The following ABCG8 variants were observed in gnomAD, a reference collection of about 807,000 sequenced individuals.
ABCG8 encodes ATP-binding cassette sub-family G member 8.
In ABCG8, 81 loss-of-function variants were observed where a neutral mutation model predicts 71.3. The ratio of observed to expected loss-of-function variants is 1.14; its 90% confidence interval spans 0.95 to 1.37. The LOEUF is 1.37. ABCG8 is among the 40% of genes most tolerant of loss of function. The pLI is 0.00. For missense variants in ABCG8, 1,119 were observed against 866.2 expected (o/e 1.29, Z -3.66); for synonymous variants, 451 against 354.7 (o/e 1.27, Z -3.05).
intron 6 of ABCG8, among the ~76,000 whole-genome samples, chr2:43,871,202 C>A (rs571415817): frequency 1.3e-5 from 2 of 150,434 alleles, no homozygotes; most frequent in African/African-American, 2.5e-5. Context: ...ATTGAACTCT[C>A]ACTATCTGGA....
chr2:43,874,643 G>A lies in ABCG8; in HGVS notation c.1488+160G>A, dbSNP rs1253799926. ...TGCCACATTTTCTAGGGGAGTTTCA[G>A]AGACTTGAACTTTTATTTTAAACAT... On this transcript the variant is annotated intron_variant, in intron 10 of 12. Transcript: ENST00000272286. 2.0e-5 allele frequency among the ~76,000 whole-genome samples: 3 copies of A among 152,314 alleles called. No individual in the cohort carries two copies. The South Asian group carries it at 6.2e-4, about 32-fold the overall frequency.
At chr2:43,840,345 A>G (rs1668536253) in intron 1 of ABCG8, among the ~76,000 whole-genome samples, 1 of 152,234 alleles carries the variant, frequency 6.6e-6, no homozygotes, top group South Asian at 2.1e-4. Context: ...TTAAAGCCTG[A>G]ATAGAATAGA....
intron 6 of ABCG8, among the ~76,000 whole-genome samples, chr2:43,869,151 ATCTG>A (rs1445686469): frequency 2.6e-5 from 4 of 151,562 alleles, no homozygotes; most frequent in Non-Finnish European, 4.4e-5. Context: ...ATCTCTCACT[ATCTG>A]TCTGGATAGA....
intron 3 of ABCG8, among the ~76,000 whole-genome samples, chr2:43,850,242 C>T (rs1456116080): frequency 3.3e-5 from 5 of 151,946 alleles, no homozygotes; most frequent in South Asian, 2.1e-4. Context: ...ACTCCATCTG[C>T]GGGAGTGGAA....
intron 1 of ABCG8, among the ~76,000 whole-genome samples, chr2:43,844,306 G>A (rs1291995863): frequency 6.6e-6 from 1 of 152,158 alleles, no homozygotes; most frequent in African/African-American, 2.4e-5. Flanking sequence ...CTCTCTGAAG[G>A]GAAGAGGAGA....
At chr2:43,846,813 C>T (rs553977887) in intron 3 of ABCG8, 13 of 178,776 alleles carry the variant, frequency 7.3e-5, no homozygotes, top group African/African-American at 2.8e-4. Flanking sequence ...TTGTCATTTC[C>T]ATGGCCAAAT....
At position 43,852,460 on chromosome 2, in the gene ABCG8, T is replaced by A. The variant is rs767670215; in HGVS notation, c.668T>A (p.Ile223Asn). Residue 223 changes from isoleucine (I) to asparagine (N), a missense_variant, in exon 5 of 13, where the codon ATT (isoleucine) becomes AAT (asparagine). By Grantham distance (149) the Ile-to-Asn change is moderately radical (BLOSUM62 -3). Coordinates refer to ENST00000272286, the MANE Select transcript of ABCG8 (RefSeq NM_022437.3). ...LSGGERRRVS[I>N]GVQLLWNPGI... is the part of the protein sequence containing the mutation. ...GGGGGTGAGCGCAGGAGAGTCAGCA[T>A]TGGGGTGCAGCTCCTGTGGAACCCA... 3 of 1,613,226 alleles carry A rather than the reference T, an allele frequency of 1.9e-6. No individual in the cohort carries two copies.
chr2:43,845,706 C>T (rs1426298629), intron 2 of ABCG8, among the ~76,000 whole-genome samples: 2 of 152,254 alleles, frequency 1.3e-5, no homozygotes, highest in Middle Eastern at 3.4e-3. Context: ...ACTGCAATCT[C>T]TGCCTCCCAA....
chr2:43,852,288 G>C (rs1572834966), intron 4 of ABCG8, 66 bp from the exon 5 acceptor site: 4 of 1,609,520 alleles, frequency 2.5e-6, no homozygotes, highest in Non-Finnish European at 3.4e-6. Context: ...TTATCCTTGG[G>C]GTCACAATGT....
At chr2:43,860,957 T>G (rs60567145) in intron 6 of ABCG8, among the ~76,000 whole-genome samples, 1,440 of 130,428 alleles carry the variant, frequency 0.011, 31 homozygotes, top group African/African-American at 0.038. Flanking sequence ...TATCTGGATA[T>G]AATTCTCACT....
Position 43,843,980 on chromosome 2 carries a change from T to A in ABCG8, c.64-527T>A, listed in dbSNP as rs151212864. On this transcript the variant is annotated intron_variant, in intron 1 of 12. Transcript: ENST00000272286. ...CCAGATGTTAGTGAGGACTAAGATG[T>A]TGGTTAGAATTTTTCTCAGGGTGGT... is the stretch of plus-strand genomic sequence containing the variant. 2.5e-3 allele frequency among the ~76,000 whole-genome samples: 373 copies of A among 152,184 alleles called. 2 individuals carry two copies. Among genetic ancestry groups the A allele is most frequent in the Middle Eastern group, 0.01 (3 of 294 alleles).
chr2:43,840,726 T>C (rs1360207077), intron 1 of ABCG8, among the ~76,000 whole-genome samples: 2 of 152,184 alleles, frequency 1.3e-5, no homozygotes, highest in Non-Finnish European at 2.9e-5. Flanking sequence ...AATGCGCTGG[T>C]ACGGGGGAGC....
At chr2:43,840,943 G>A (rs1041560404) in intron 1 of ABCG8, among the ~76,000 whole-genome samples, 1 of 152,188 alleles carries the variant, frequency 6.6e-6, no homozygotes, top group African/African-American at 2.4e-5. Flanking sequence ...GATGGACTTG[G>A]GGCCATTTGC....
chr2:43,874,234 G>C (rs1669880375), intron 9 of ABCG8, among the ~76,000 whole-genome samples, 173 bp from the exon 10 acceptor site: 1 of 151,920 alleles, frequency 6.6e-6, no homozygotes, highest in Non-Finnish European at 1.5e-5. Flanking sequence ...AACCTGAAGA[G>C]CCTCATCAAA....
intron 11 of ABCG8, among the ~76,000 whole-genome samples, chr2:43,876,693 C>T (rs1445377121): frequency 2.1e-5 from 3 of 140,280 alleles, no homozygotes; most frequent in Non-Finnish European, 4.6e-5. Flanking sequence ...TGGGGGAGAC[C>T]ATGTCAATAT....
intron 6 of ABCG8, among the ~76,000 whole-genome samples, chr2:43,869,231 C>G (rs1484303255): frequency 6.6e-6 from 1 of 151,800 alleles, no homozygotes; most frequent in Admixed American, 6.6e-5. Context: ...GGGTTGAACT[C>G]TCACTATCTG....
At position 43,877,543 on chromosome 2, in the gene ABCG8, G is replaced by A. The variant is rs1218688186; in HGVS notation, c.1757-18G>A. On this transcript the variant is annotated intron_variant, in intron 11 of 12. Coordinates refer to ENST00000272286, the MANE Select transcript of ABCG8 (RefSeq NM_022437.3). ...AATATGAGGGACACCTGTGAGTAAC[G>A]CGGCTGTCTGTCTCCAGTGCCCGCG... 10 of 1,613,216 alleles carry A rather than the reference G, an allele frequency of 6.2e-6. No homozygotes were observed. Among genetic ancestry groups the A allele is most frequent in the African/African-American group, 1.3e-5 (1 of 74,850 alleles).
chr2:43,865,367 T>A lies in ABCG8; in HGVS notation c.965-6609T>A, dbSNP rs1210665670. ...CACCCTCTGGATAGAACTCTTACTATCTGGATAGAATTCTCACATCTGCAT... is the reference window on the plus strand; with the variant it reads ...CACCCTCTGGATAGAACTCTTACTAACTGGATAGAATTCTCACATCTGCAT... On this transcript the variant is annotated intron_variant, in intron 6 of 12. Transcript: ENST00000272286. Among the ~76,000 whole-genome samples, 10 of 151,850 alleles carry A rather than the reference T, an allele frequency of 6.6e-5. No individual in the cohort carries two copies. In the East Asian group the frequency reaches 1.9e-3, roughly 30 times the overall value.
At chr2:43,869,644 C>A (rs1326539553) in intron 6 of ABCG8, among the ~76,000 whole-genome samples, 1 of 147,536 alleles carries the variant, frequency 6.8e-6, no homozygotes, top group African/African-American at 2.5e-5. Context: ...GAACTGTCAC[C>A]CTGTGGATAG....
Sources: allele counts gnomAD v4.1 joint callset (sites outside exome capture counted in the v4.1 genomes callset), GRCh38; gene constraint gnomAD v4.1.1; transcripts MANE v1.5; gene names NCBI Gene and HGNC (gene_info 2026-07-23, HGNC 2026-07-21).